The following TRABD2B variants were observed in gnomAD, a reference collection of about 807,000 sequenced individuals.
The protein encoded by TRABD2B is metalloprotease TIKI2.
In TRABD2B, 14 loss-of-function variants were observed where a neutral mutation model predicts 40.1. The observed-to-expected ratio is 0.35, with a 90% CI of 0.23 to 0.55. TRABD2B has a LOEUF of 0.55. Among genes scored for constraint, TRABD2B ranks in the 20% least tolerant of loss-of-function variants. The pLI is 0.90. For missense variants in TRABD2B, 541 were observed against 648.6 expected (o/e 0.83, Z 1.80); for synonymous variants, 263 against 277.0 (o/e 0.95, Z 0.50).
chr1:47,777,866 C>T (rs1644469172), intron 5 of TRABD2B, among the ~76,000 whole-genome samples: 1 of 152,198 alleles, frequency 6.6e-6, no homozygotes, highest in South Asian at 2.1e-4. Context: ...GAGCTGGTCC[C>T]TACCCTCGGG....
At chr1:47,887,289 A>G (rs571720220) in intron 2 of TRABD2B, among the ~76,000 whole-genome samples, 2 of 152,276 alleles carry the variant, frequency 1.3e-5, no homozygotes, top group African/African-American at 2.4e-5. Context: ...TCACACAGCT[A>G]TAAGTGGAGA....
chr1:47,910,373 C>A (rs1644746065), intron 2 of TRABD2B, among the ~76,000 whole-genome samples: 1 of 152,222 alleles, frequency 6.6e-6, no homozygotes, highest in South Asian at 2.1e-4. Flanking sequence ...CCTGACTACT[C>A]AGCCAGGATC....
chr1:47,897,648 C>A (rs1644542233), intron 2 of TRABD2B, among the ~76,000 whole-genome samples: 1 of 152,200 alleles, frequency 6.6e-6, no homozygotes, highest in Non-Finnish European at 1.5e-5. Context: ...TAACTACATA[C>A]TTGTCCTTAT....
At chr1:47,790,637 T>C (rs1290599773) in intron 4 of TRABD2B, among the ~76,000 whole-genome samples, 6 of 152,190 alleles carry the variant, frequency 3.9e-5, no homozygotes, top group Non-Finnish European at 7.3e-5. Context: ...GCAAGGGAAA[T>C]GGCCACACCT....
chr1:47,793,209 A>T (rs574653490), intron 4 of TRABD2B, among the ~76,000 whole-genome samples: 1 of 152,310 alleles, frequency 6.6e-6, no homozygotes, highest in East Asian at 1.9e-4. Context: ...CTTCCTGTTC[A>T]GATGGGTAAA....
chr1:47,905,745 G>A (rs546144965), intron 2 of TRABD2B, among the ~76,000 whole-genome samples: 31 of 151,788 alleles, frequency 2.0e-4, no homozygotes, highest in African/African-American at 6.5e-4. Flanking sequence ...TTTGTCCCCA[G>A]CCCTCAATCT....
intron 2 of TRABD2B, among the ~76,000 whole-genome samples, chr1:47,956,467 C>T (rs560628544): frequency 5.8e-4 from 88 of 152,318 alleles, no homozygotes; most frequent in African/African-American, 1.2e-3. Flanking sequence ...CAAGGGAAGC[C>T]GTGACAGATG....
intron 6 of TRABD2B, among the ~76,000 whole-genome samples, chr1:47,770,811 G>A (rs1644367873): frequency 6.6e-6 from 1 of 152,218 alleles, no homozygotes; most frequent in African/African-American, 2.4e-5. Flanking sequence ...TTGGCCAAAG[G>A]CCCTTTCTGC....
At chr1:47,856,034 A>T (rs1643886543) in intron 2 of TRABD2B, among the ~76,000 whole-genome samples, 2 of 152,246 alleles carry the variant, frequency 1.3e-5, no homozygotes, top group Non-Finnish European at 2.9e-5. Context: ...GTCATGAAGA[A>T]GAGAGATGTG....
intron 2 of TRABD2B, among the ~76,000 whole-genome samples, chr1:47,989,279 T>C (rs796379128): frequency 1.3e-5 from 2 of 152,348 alleles, no homozygotes; most frequent in African/African-American, 4.8e-5. Flanking sequence ...GAAAGGAGCT[T>C]TCAAAGTTCA....
intron 2 of TRABD2B, among the ~76,000 whole-genome samples, chr1:47,966,053 G>A (rs181274045): frequency 5.5e-4 from 84 of 152,296 alleles, no homozygotes; most frequent in African/African-American, 2.0e-3. Flanking sequence ...ACTGTCTGGC[G>A]CTGTTTACAA....
intron 2 of TRABD2B, among the ~76,000 whole-genome samples, chr1:47,823,553 T>C (rs557030637): frequency 6.6e-6 from 1 of 152,306 alleles, no homozygotes; most frequent in South Asian, 2.1e-4. Context: ...TAGGCATGCC[T>C]GGTTCTAGAG....
chr1:47,781,852 C>T (rs1644528280), intron 4 of TRABD2B, among the ~76,000 whole-genome samples: 1 of 152,218 alleles, frequency 6.6e-6, no homozygotes, highest in African/African-American at 2.4e-5. Context: ...GGTTTCACAG[C>T]ACCCCACAGC....
At chr1:47,804,413 T>G (rs1344786327) in intron 2 of TRABD2B, among the ~76,000 whole-genome samples, 1 of 152,130 alleles carries the variant, frequency 6.6e-6, no homozygotes, top group Admixed American at 6.5e-5. Context: ...TCCGCTCTCC[T>G]TCCCTGGGGG....
chr1:47,878,180 G>A (rs1474013450), intron 2 of TRABD2B, among the ~76,000 whole-genome samples: 3 of 152,106 alleles, frequency 2.0e-5, no homozygotes, highest in Admixed American at 1.3e-4. Flanking sequence ...GCCAGGTGTG[G>A]TGGCGAGCAC....
chr1:47,795,699 G>A (rs959302323), intron 3 of TRABD2B: 1 of 985,246 alleles, frequency 1.0e-6, no homozygotes, highest in African/African-American at 1.7e-5. Flanking sequence ...ATGAGAGAAA[G>A]GATCATCACT....
rs147874761 is a variant in TRABD2B at position 47,774,195 on chromosome 1, G to A, written c.1349+975C>T. 1.1e-3 allele frequency among the ~76,000 whole-genome samples: 166 copies of A among 152,170 alleles called. 1 individual carries two copies. The highest frequency in any genetic ancestry group is 3.4e-3 in the African/African-American group (140 of 41,510). On this transcript the variant is annotated intron_variant, in intron 6 of 6. Transcript: ENST00000606738. ...GGGCCTGAGAATCTGTTTATTTAAC[G>A]AATAGCCAAGGTGATTCTCTCTAGG...
chr1:47,949,401 CT>C (rs35027686), intron 2 of TRABD2B, among the ~76,000 whole-genome samples: 2,018 of 80,256 alleles, frequency 0.025, 10 homozygotes, highest in African/African-American at 0.057. Context: ...TCTTTTCTTT[CT>C]TTTTTTTTTT....
chr1:47,868,150 A>G (rs1231353706), intron 2 of TRABD2B, among the ~76,000 whole-genome samples: 1 of 152,230 alleles, frequency 6.6e-6, no homozygotes, highest in African/African-American at 2.4e-5. Flanking sequence ...CCAAAGCACC[A>G]TTCGCATTTG....
Sources: allele counts gnomAD v4.1 joint callset (sites outside exome capture counted in the v4.1 genomes callset), GRCh38; gene constraint gnomAD v4.1.1; transcripts MANE v1.5; gene names NCBI Gene and HGNC (gene_info 2026-07-23, HGNC 2026-07-21).